The following A1CF variants were observed in gnomAD, a reference collection of about 807,000 sequenced individuals.
A1CF encodes APOBEC-1 stimulating protein.
In A1CF, 48 loss-of-function variants were observed where a neutral mutation model predicts 68.9. The observed-to-expected ratio is 0.70, with a 90% CI of 0.55 to 0.89. The LOEUF (loss-of-function observed/expected upper bound fraction) is 0.89, where lower values mean the gene tolerates loss of function less well. Among genes scored for constraint, A1CF ranks in the 40% least tolerant of loss-of-function variants. A1CF has a pLI of 0.00. For synonymous variants in A1CF, 272 were observed against 260.4 expected (o/e 1.04, Z -0.43); for missense variants, 653 against 718.9 (o/e 0.91, Z 1.05).
In A1CF at chr10:50,806,687, T is replaced by G; in HGVS notation, c.*42A>C. On this transcript the variant is annotated 3_prime_UTR_variant, in exon 13 of 13. Coordinates refer to ENST00000373997, the MANE Select transcript of A1CF (RefSeq NM_014576.4). ...AGGTTTATTTCTTTTTTTTTTTTAA[T>G]AGAGTTTTGTGTGTCTTATTCTTAA... is the stretch of plus-strand genomic sequence containing the variant. 6.6e-7 allele frequency: 1 copy of G among 1,508,756 alleles called. No homozygotes were observed. The highest frequency in any genetic ancestry group is 2.3e-5 in the East Asian group (1 of 43,340). The allele number at this position is 1,508,756 out of a possible 1,614,324, so 93.5% of individuals were successfully genotyped here.
rs1437524536 is a variant in A1CF, at chr10:50,850,741, A to C, written c.100-6619T>G. On this transcript the variant is annotated intron_variant, in intron 3 of 12. Transcript: ENST00000373997. ...TTTGAGGCCAGGAATTGCTGTGCTC[A>C]TGCTCGCTTCTGGCTCTGGGCATGT... 3 of 1,614,062 alleles carry C rather than the reference A, an allele frequency of 1.9e-6. No homozygotes were observed. The African/African-American group carries it at 4.0e-5, about 22-fold the overall frequency.
chr10:50,801,910 G>C lies in A1CF; in HGVS notation c.*4819C>G, dbSNP rs1373125492. On this transcript the variant is annotated 3_prime_UTR_variant, in exon 13 of 13. Transcript: ENST00000373997. ...CCTACAAAACCAAGGAGAACTGGGG[G>C]CACATAAAGTTTGCAATCTCCCACA... 6.6e-6 allele frequency: 1 copy of C among 152,096 alleles called. No homozygotes were observed. The highest frequency in any genetic ancestry group is 1.9e-4 in the East Asian group (1 of 5,192). 9.4% of individuals were successfully genotyped at this position (152,096 alleles called of 1,614,324 possible).
chr10:50,829,547 T>C (rs975557226), intron 6 of A1CF, among the ~76,000 whole-genome samples: 1 of 152,284 alleles, frequency 6.6e-6, no homozygotes. Context: ...CCTGGCATTC[T>C]AAAACCCAAA....
rs532769339 is a variant in A1CF at position 50,834,603 on chromosome 10, C to A, written c.604+1471G>T. Reference sequence around the variant, plus strand: ...AAATCACATATTTAGTTCTTACACACAGCAAGGAGTTATGAATATTTTTGA... The same window carrying A: ...AAATCACATATTTAGTTCTTACACAAAGCAAGGAGTTATGAATATTTTTGA... On this transcript the variant is annotated intron_variant, in intron 6 of 12. Transcript: ENST00000373997. Among the ~76,000 whole-genome samples, 25 of 152,282 alleles carry A rather than the reference C, an allele frequency of 1.6e-4. 1 individual carries two copies. Among genetic ancestry groups the A allele is most frequent in the Middle Eastern group, 3.4e-3 (1 of 294 alleles).
intron 3 of A1CF, among the ~76,000 whole-genome samples, chr10:50,857,278 C>T (rs567519256): frequency 6.6e-6 from 1 of 152,174 alleles, no homozygotes; most frequent in South Asian, 2.1e-4. Context: ...ATTAGGATAT[C>T]CCTCACCTCA....
chr10:50,834,325 C>T (rs969023131), intron 6 of A1CF, among the ~76,000 whole-genome samples: 1 of 152,226 alleles, frequency 6.6e-6, no homozygotes, highest in Non-Finnish European at 1.5e-5. Context: ...GTGACTAATT[C>T]GGGCTGGAAT....
intron 2 of A1CF, among the ~76,000 whole-genome samples, chr10:50,861,072 T>C (rs1366037225): frequency 6.6e-6 from 1 of 152,216 alleles, no homozygotes; most frequent in African/African-American, 2.4e-5. Context: ...TGAGAATTCC[T>C]GTACTGCTTC....
chr10:50,815,845 A>G (rs1401644894), intron 9 of A1CF, among the ~76,000 whole-genome samples, 161 bp downstream of exon 9: 1 of 152,252 alleles, frequency 6.6e-6, no homozygotes, highest in Non-Finnish European at 1.5e-5. Context: ...TGTGAAAAAG[A>G]TTCCTATTAA....
chr10:50,831,796 G>A (rs771428095), intron 6 of A1CF, among the ~76,000 whole-genome samples: 54 of 152,144 alleles, frequency 3.5e-4, no homozygotes, highest in Non-Finnish European at 5.3e-4. Flanking sequence ...AATATAAATC[G>A]CCAACAGGTA....
At position 50,816,146 on chromosome 10, in the gene A1CF, AC is replaced by A. The variant is rs1199482465; in HGVS notation, c.1000del (p.Val334PhefsTer52). The A allele has an allele frequency of 1.9e-6, 3 of 1,613,792 alleles. No individual in the cohort carries two copies. The highest frequency in any genetic ancestry group is 2.5e-6 in the Non-Finnish European group (3 of 1,179,880). ...AAGGTAGGTTGTGGTGGGATCATAA[AC>A]TTGGCCCAAAGAGTAGGTATACTCT... ...QGEYTYSLGQVYDPTTTYLGA... is the reference protein window; with the variant it reads ...QGEYTYSLGQXYDPTTTYLGA... On this transcript the variant is annotated frameshift_variant, in exon 9 of 13. Coordinates refer to ENST00000373997, the MANE Select transcript of A1CF (RefSeq NM_014576.4). LOFTEE classifies it high-confidence loss of function.
intron 7 of A1CF, among the ~76,000 whole-genome samples, 184 bp downstream of exon 7, chr10:50,827,947 A>G (rs1564505675): frequency 6.6e-6 from 1 of 152,178 alleles, no homozygotes; most frequent in East Asian, 1.9e-4. Flanking sequence ...AAAAAATGAT[A>G]AAGGGGATAT....
chr10:50,820,754 T>C, intron 7 of A1CF, 105 bp from the exon 8 acceptor site: 1 of 787,036 alleles, frequency 1.3e-6, no homozygotes, highest in South Asian at 2.1e-5. Flanking sequence ...TTTTTATGGA[T>C]ACCTCATATT....
At position 50,866,966 on chromosome 10, in the gene A1CF, C is replaced by T. The variant is rs1273219251; in HGVS notation, c.-93-2886G>A. Among the ~76,000 whole-genome samples the T allele has an allele frequency of 2.7e-5, 4 of 150,898 alleles. 1 individual carries two copies. The highest frequency in any genetic ancestry group is 4.2e-4 in the South Asian group (2 of 4,792). On this transcript the variant is annotated intron_variant, in intron 1 of 12. Coordinates refer to ENST00000373997, the MANE Select transcript of A1CF (RefSeq NM_014576.4). ...CTGGGCTCAAGCAGTCTTCCCATCT[C>T]GGCCTCCTAGACTGCTGGGATTACA...
intron 3 of A1CF, among the ~76,000 whole-genome samples, chr10:50,852,659 A>AC (rs1347859654): frequency 6.6e-6 from 1 of 152,102 alleles, no homozygotes; most frequent in Non-Finnish European, 1.5e-5. Context: ...AAAAAGTAGG[A>AC]CCCAGGAGCT....
chr10:50,851,857 A>G (rs1385071812), intron 3 of A1CF, among the ~76,000 whole-genome samples: 1 of 152,230 alleles, frequency 6.6e-6, no homozygotes, highest in African/African-American at 2.4e-5. Flanking sequence ...AAAGGATCAC[A>G]GCTGCTGAAA....
In A1CF at chr10:50,828,123, T is replaced by A; in HGVS notation, c.769+8A>T. The A allele has an allele frequency of 6.4e-7, 1 of 1,553,776 alleles. No individual in the cohort carries two copies. The highest frequency in any genetic ancestry group is 8.8e-7 in the Non-Finnish European group (1 of 1,140,062). On this transcript the variant is annotated splice_region_variant and intron_variant, in intron 7 of 12. Coordinates refer to ENST00000373997, the MANE Select transcript of A1CF (RefSeq NM_014576.4). ...TTTTGAAAAACTAATCTTGTATATA[T>A]GTCCTACCTGGTTTGATATTGTTGA...
At chr10:50,826,356 C>T (rs946934370) in intron 7 of A1CF, among the ~76,000 whole-genome samples, 1 of 151,950 alleles carries the variant, frequency 6.6e-6, no homozygotes, top group Non-Finnish European at 1.5e-5. Context: ...ATGAGATGAA[C>T]TAAATAAAAG....
rs750938943 is a variant in A1CF, at chr10:50,836,043, A to G, written c.604+31T>C. The G allele has an allele frequency of 2.6e-6, 4 of 1,543,708 alleles. No homozygotes were observed. The African/African-American group carries it at 4.2e-5, about 16-fold the overall frequency. On this transcript the variant is annotated intron_variant, in intron 6 of 12. Coordinates refer to ENST00000373997, the MANE Select transcript of A1CF (RefSeq NM_014576.4). ...GCGGAGGCAGGCAGGATAGGCAGAG[A>G]AGTCTCATCTTTGAGGAGGGGATTG...
chr10:50,880,233 C>G (rs1252157648), intron 1 of A1CF, among the ~76,000 whole-genome samples: 2 of 152,126 alleles, frequency 1.3e-5, no homozygotes. Flanking sequence ...GTGGCCTGTG[C>G]CAGACTGCCC....
Sources: gnomAD v4.1 joint callset for allele counts (sites outside exome capture counted in the v4.1 genomes callset) on GRCh38, gnomAD v4.1.1 for gene constraint, MANE v1.5 for transcripts, NCBI Gene and HGNC (gene_info 2026-07-23, HGNC 2026-07-21) for gene names.